The following THSD7B variants were observed in gnomAD, a reference collection of about 807,000 sequenced individuals.
The protein encoded by THSD7B is thrombospondin type 1 domain containing 7B.
Under a neutral mutation model 213.6 loss-of-function variants are expected in THSD7B, and 138 were observed. The ratio of observed to expected loss-of-function variants is 0.65; its 90% confidence interval spans 0.56 to 0.74. The LOEUF (loss-of-function observed/expected upper bound fraction) is 0.74, where lower values mean the gene tolerates loss of function less well. THSD7B is among the 30% of genes least tolerant of loss of function. The pLI, the probability that THSD7B is intolerant of heterozygous loss-of-function variation, is 0.00. For missense variants in THSD7B, 1,931 were observed against 1,991.5 expected, an observed-to-expected ratio of 0.97 and a Z score of 0.58; for synonymous variants, 742 against 687.0, an observed-to-expected ratio of 1.08 and a Z score of -1.25.
At chr2:137,365,501 G>A (rs1685386578) in intron 12 of THSD7B, among the ~76,000 whole-genome samples, 1 of 152,140 alleles carries the variant, frequency 6.6e-6, no homozygotes, top group African/African-American at 2.4e-5. Flanking sequence ...ATCTGACAAA[G>A]GGCTAATATC....
At chr2:137,374,740 A>T (rs891427699) in intron 12 of THSD7B, among the ~76,000 whole-genome samples, 17 of 152,338 alleles carry the variant, frequency 1.1e-4, no homozygotes, top group Admixed American at 1.0e-3. Flanking sequence ...TTACAACAAT[A>T]CACATAAGAG....
At chr2:137,500,091 T>A (rs1264827543) in intron 15 of THSD7B, among the ~76,000 whole-genome samples, 2 of 152,100 alleles carry the variant, frequency 1.3e-5, no homozygotes, top group African/African-American at 4.8e-5. Flanking sequence ...TACATGGAGT[T>A]CAGACAACAA....
At chr2:137,529,135 C>T (rs909120138) in intron 15 of THSD7B, among the ~76,000 whole-genome samples, 1 of 152,032 alleles carries the variant, frequency 6.6e-6, no homozygotes, top group Non-Finnish European at 1.5e-5. Context: ...TTCTAAGGCA[C>T]ATTTCATTTA....
chr2:136,850,972 C>T (rs1340236394), intron 1 of THSD7B, among the ~76,000 whole-genome samples: 1 of 151,950 alleles, frequency 6.6e-6, no homozygotes, highest in Non-Finnish European at 1.5e-5. Flanking sequence ...TTTTCTTCAG[C>T]TATTGGAAGA....
Position 137,357,488 on chromosome 2 carries a change from T to C in THSD7B, c.2501-48125T>C, listed in dbSNP as rs182241160. Among the ~76,000 whole-genome samples the C allele has an allele frequency of 6.7e-4, 102 of 152,282 alleles. 1 individual carries two copies. The highest frequency in any genetic ancestry group is 8.7e-4 in the Non-Finnish European group (59 of 68,026). On this transcript the variant is annotated intron_variant, in intron 12 of 27. Coordinates refer to ENST00000409968, the MANE Select transcript of THSD7B (RefSeq NM_001316349.2). Reference sequence around the variant, plus strand: ...AGGATTGTTATAAGTATTAGAAAATTATTCCATAAGGTATGCAGCAAAATG... The same window carrying C: ...AGGATTGTTATAAGTATTAGAAAATCATTCCATAAGGTATGCAGCAAAATG...
chr2:137,195,234 GTATA>G (rs148274457), intron 7 of THSD7B, among the ~76,000 whole-genome samples: 116 of 146,054 alleles, frequency 7.9e-4, no homozygotes, highest in East Asian at 4.5e-3. Context: ...ATGTATGTGT[GTATA>G]TATATATATA....
chr2:137,126,939 A>C (rs1446383976), intron 5 of THSD7B, among the ~76,000 whole-genome samples: 1 of 152,196 alleles, frequency 6.6e-6, no homozygotes, highest in African/African-American at 2.4e-5. Context: ...TAAGTGGAGC[A>C]GTCAGAACAC....
intron 7 of THSD7B, among the ~76,000 whole-genome samples, chr2:137,194,426 A>G (rs1209198210): frequency 6.6e-6 from 1 of 152,220 alleles, no homozygotes; most frequent in African/African-American, 2.4e-5. Context: ...CCCACACATG[A>G]TCTGAGTAAG....
intron 2 of THSD7B, among the ~76,000 whole-genome samples, chr2:137,044,814 G>C (rs146348549): frequency 1.3e-5 from 2 of 152,288 alleles, no homozygotes; most frequent in South Asian, 4.1e-4. Flanking sequence ...GGTGAATGGC[G>C]TAGGCATTGT....
intron 20 of THSD7B, among the ~76,000 whole-genome samples, chr2:137,625,269 G>C (rs1357062925): frequency 7.3e-6 from 1 of 137,378 alleles, no homozygotes. Context: ...GGTGGGAATT[G>C]AACAATGAAA....
chr2:137,157,977 T>A (rs931086025), intron 5 of THSD7B, among the ~76,000 whole-genome samples: 12 of 152,202 alleles, frequency 7.9e-5, no homozygotes, highest in African/African-American at 2.7e-4. Context: ...CAGATTGAAA[T>A]ACACTTCTGC....
intron 5 of THSD7B, among the ~76,000 whole-genome samples, chr2:137,117,897 A>G (rs1688472053): frequency 6.6e-6 from 1 of 152,180 alleles, no homozygotes; most frequent in Admixed American, 6.5e-5. Context: ...TGACATTGAT[A>G]TGGTCCTGTT....
chr2:137,029,833 AG>A (rs1171382920), intron 2 of THSD7B, among the ~76,000 whole-genome samples: 1 of 152,182 alleles, frequency 6.6e-6, no homozygotes, highest in Non-Finnish European at 1.5e-5. Flanking sequence ...TGCACCTGAT[AG>A]CACTAGTGTT....
At chr2:137,540,271 T>C (rs1352675041) in intron 15 of THSD7B, among the ~76,000 whole-genome samples, 1 of 151,728 alleles carries the variant, frequency 6.6e-6, no homozygotes, top group African/African-American at 2.4e-5. Context: ...TCTTCCTGCA[T>C]AAAAGCAGCA....
chr2:137,152,205 A>G (rs1679832324), intron 5 of THSD7B, among the ~76,000 whole-genome samples: 1 of 152,088 alleles, frequency 6.6e-6, no homozygotes, highest in Non-Finnish European at 1.5e-5. Flanking sequence ...AGATTACCAC[A>G]AAAATACTCA....
At chr2:137,587,795 T>G (rs1176888140) in intron 17 of THSD7B, among the ~76,000 whole-genome samples, 5 of 152,174 alleles carry the variant, frequency 3.3e-5, no homozygotes, top group Non-Finnish European at 7.4e-5. Context: ...GGACCCACTT[T>G]AGGAGGCAGT....
intron 2 of THSD7B, among the ~76,000 whole-genome samples, chr2:137,042,493 A>C (rs1686901664): frequency 6.6e-6 from 1 of 152,182 alleles, no homozygotes; most frequent in Non-Finnish European, 1.5e-5. Flanking sequence ...CACATTATGT[A>C]TTAAAAGCCT....
At chr2:137,244,232 T>TG (rs1681974301) in intron 10 of THSD7B, among the ~76,000 whole-genome samples, 2 of 152,238 alleles carry the variant, frequency 1.3e-5, no homozygotes, top group Non-Finnish European at 2.9e-5. Flanking sequence ...AATAATATAA[T>TG]CTATGATGAT....
chr2:137,460,405 T>G (rs929323761), intron 15 of THSD7B, among the ~76,000 whole-genome samples: 6 of 152,164 alleles, frequency 3.9e-5, no homozygotes, highest in Non-Finnish European at 7.4e-5. Context: ...CTAACGTATA[T>G]CTGCTTCCAC....
Sources: allele counts gnomAD v4.1 joint callset (sites outside exome capture counted in the v4.1 genomes callset), GRCh38; gene constraint gnomAD v4.1.1; transcripts MANE v1.5; gene names NCBI Gene and HGNC (gene_info 2026-07-23, HGNC 2026-07-21).